The following APBA2 variants were observed in gnomAD, a reference collection of about 807,000 sequenced individuals.
The protein encoded by APBA2 is amyloid beta precursor protein binding family A member 2.
APBA2 carries 30 observed loss-of-function variants against 75.0 expected under a neutral mutation model. The ratio of observed to expected loss-of-function variants is 0.40; its 90% confidence interval spans 0.30 to 0.54. APBA2 has a LOEUF of 0.54. Among genes scored for constraint, APBA2 ranks in the 20% least tolerant of loss-of-function variants. The probability of loss-of-function intolerance (pLI) is 0.49; values close to 1 mark genes in which losing one functional copy is unlikely to be tolerated. For missense variants in APBA2, 801 were observed against 1,016.1 expected (o/e 0.79, Z 2.88); for synonymous variants, 444 against 409.6 (o/e 1.08, Z -1.01).
rs149841577 is a variant in APBA2, at chr15:29,110,697, C to G, written c.2037+2308C>G. Among the ~76,000 whole-genome samples, 316 of 152,260 alleles carry G rather than the reference C, an allele frequency of 2.1e-3. 1 individual carries two copies. The highest frequency in any genetic ancestry group is 3.9e-3 in the Non-Finnish European group (262 of 68,020). On this transcript the variant is annotated intron_variant, in intron 13 of 14. Transcript: ENST00000683413. ...CCAGGTCACACAGCCATGTGGAGCA[C>G]TGGTGGGGAGAGGGGGAGAAGAGAT...
At chr15:28,999,115 C>G (rs1196559422) in intron 3 of APBA2, among the ~76,000 whole-genome samples, 2 of 151,124 alleles carry the variant, frequency 1.3e-5, no homozygotes, top group African/African-American at 2.4e-5. Flanking sequence ...CCACTGCACT[C>G]CAGCCTGGGT....
At chr15:29,037,171 T>C (rs1460144700) in intron 3 of APBA2, among the ~76,000 whole-genome samples, 2 of 152,356 alleles carry the variant, frequency 1.3e-5, no homozygotes, top group East Asian at 3.9e-4. Context: ...AAGATAATCA[T>C]TTATCAAAGT....
intron 2 of APBA2, among the ~76,000 whole-genome samples, chr15:28,949,870 C>T (rs2035757076): frequency 6.6e-6 from 1 of 152,188 alleles, no homozygotes; most frequent in African/African-American, 2.4e-5. Context: ...CTCCAGTCTT[C>T]TCTCTCGTTA....
chr15:28,889,304 A>G (rs915276691), intron 1 of APBA2, among the ~76,000 whole-genome samples: 2 of 151,986 alleles, frequency 1.3e-5, no homozygotes, highest in Non-Finnish European at 2.9e-5. Context: ...AGCCAGGCTC[A>G]CTCTGTGGAA....
At chr15:28,922,642 C>G (rs1433201378) in intron 2 of APBA2, among the ~76,000 whole-genome samples, 2 of 152,166 alleles carry the variant, frequency 1.3e-5, no homozygotes, top group African/African-American at 4.8e-5. Flanking sequence ...ACTGCTCTCC[C>G]TCGATGACCC....
intron 1 of APBA2, among the ~76,000 whole-genome samples, chr15:28,908,315 G>GTTTTTTTTTTTTT (rs765084356): frequency 1.5e-5 from 2 of 137,594 alleles, no homozygotes; most frequent in African/African-American, 6.0e-5. Flanking sequence ...TTGTTTTCTT[G>GTTTTTTTTTTTTT]TTTTTTTTTT....
chr15:28,993,421 C>G (rs562091869), intron 2 of APBA2, among the ~76,000 whole-genome samples: 8 of 152,254 alleles, frequency 5.3e-5, no homozygotes, highest in African/African-American at 1.9e-4. Context: ...GGTGACCTGG[C>G]TTTTGAGCGA....
intron 2 of APBA2, among the ~76,000 whole-genome samples, chr15:28,960,358 G>C (rs1261455475): frequency 6.6e-6 from 1 of 151,826 alleles, no homozygotes; most frequent in Non-Finnish European, 1.5e-5. Context: ...CAGCTACTTA[G>C]AGGCTGAGGC....
At chr15:29,000,026 C>T (rs2038759848) in intron 3 of APBA2, among the ~76,000 whole-genome samples, 1 of 152,170 alleles carries the variant, frequency 6.6e-6, no homozygotes, top group South Asian at 2.1e-4. Context: ...CTGTTTTGTT[C>T]TATGCAGGTC....
At chr15:28,982,873 A>G (rs968356656) in intron 2 of APBA2, among the ~76,000 whole-genome samples, 11 of 152,370 alleles carry the variant, frequency 7.2e-5, no homozygotes, top group South Asian at 2.1e-4. Flanking sequence ...AGAGATCGCA[A>G]TAACGGGCCA....
chr15:29,090,866 A>T lies in APBA2; in HGVS notation c.1070-2209A>T, dbSNP rs11070500. 7.9e-5 allele frequency among the ~76,000 whole-genome samples: 12 copies of T among 152,114 alleles called. 1 individual carries two copies. The highest frequency in any genetic ancestry group is 6.5e-4 in the Admixed American group (10 of 15,302). Reference sequence around the variant, plus strand: ...TGGGAGCCTTCCCAGCCCCACAGCCAGATGCCATAAAAGGCAGCACAGGGC... The same window carrying T: ...TGGGAGCCTTCCCAGCCCCACAGCCTGATGCCATAAAAGGCAGCACAGGGC... On this transcript the variant is annotated intron_variant, in intron 6 of 14. Coordinates refer to ENST00000683413, the MANE Select transcript of APBA2 (RefSeq NM_001353788.2).
chr15:28,966,983 A>G (rs1433225274), intron 2 of APBA2, among the ~76,000 whole-genome samples: 3 of 152,230 alleles, frequency 2.0e-5, no homozygotes, highest in Non-Finnish European at 4.4e-5. Context: ...GTATGACATA[A>G]TAACTTTTGC....
At chr15:29,035,605 T>C (rs943921328) in intron 3 of APBA2, among the ~76,000 whole-genome samples, 1 of 152,202 alleles carries the variant, frequency 6.6e-6, no homozygotes, top group Admixed American at 6.5e-5. Flanking sequence ...GACATCATCA[T>C]GGGATTTTTA....
At chr15:28,966,271 T>C (rs1336221008) in intron 2 of APBA2, among the ~76,000 whole-genome samples, 1 of 152,194 alleles carries the variant, frequency 6.6e-6, no homozygotes, top group African/African-American at 2.4e-5. Context: ...CCAGTAGTTG[T>C]GTCAGTTGCT....
In APBA2 at chr15:29,034,354, A is replaced by C. The variant is rs76644169; in HGVS notation, c.-40-19491A>C. The stretch of plus-strand genomic sequence containing the variant: ...CCATCCTGAGTCATCTCTTTTGCAT[A>C]AACTTTGGAACGCACCACGAATAAC... On this transcript the variant is annotated intron_variant, in intron 3 of 14. Transcript: ENST00000683413. Among the ~76,000 whole-genome samples, 1,002 of 152,266 alleles carry C rather than the reference A, an allele frequency of 6.6e-3. 7 individuals are homozygous for C. The highest frequency in any genetic ancestry group is 0.023 in the African/African-American group (970 of 41,538).
At chr15:29,050,384 A>T (rs1327699308) in intron 3 of APBA2, among the ~76,000 whole-genome samples, 1 of 152,240 alleles carries the variant, frequency 6.6e-6, no homozygotes, top group East Asian at 1.9e-4. Flanking sequence ...AATAAAAATG[A>T]AATCCCACTA....
chr15:29,034,786 C>T (rs2040661205), intron 3 of APBA2, among the ~76,000 whole-genome samples: 1 of 152,124 alleles, frequency 6.6e-6, no homozygotes, highest in South Asian at 2.1e-4. Context: ...GGGTCCTGCC[C>T]CTGAGTTTTC....
At chr15:29,056,981 A>G (rs28656224) in intron 4 of APBA2, among the ~76,000 whole-genome samples, 4,195 of 152,104 alleles carry the variant, frequency 0.028, 206 homozygotes, top group African/African-American at 0.097. Flanking sequence ...TTTCCTAAGA[A>G]CAATCCCCTT....
At chr15:29,014,713 T>TTG (rs891463365) in intron 3 of APBA2, among the ~76,000 whole-genome samples, 5 of 151,464 alleles carry the variant, frequency 3.3e-5, no homozygotes, top group African/African-American at 1.2e-4. Flanking sequence ...TGTTTTTTTT[T>TTG]TTTTTTTTTT....
Sources: allele counts gnomAD v4.1 joint callset (sites outside exome capture counted in the v4.1 genomes callset), GRCh38; gene constraint gnomAD v4.1.1; transcripts MANE v1.5; gene names NCBI Gene and HGNC (gene_info 2026-07-23, HGNC 2026-07-21).